The following SH3RF1 variants were observed in gnomAD, a reference collection of about 807,000 sequenced individuals.
SH3RF1 encodes the protein SH3 domain containing ring finger 1.
SH3RF1 carries 32 observed loss-of-function variants against 74.0 expected under a neutral mutation model. The ratio of observed to expected loss-of-function variants is 0.43; its 90% CI spans 0.33 to 0.58. The LOEUF is 0.58. Ranked by LOEUF, SH3RF1 falls within the 20% of genes least tolerant of loss-of-function variation. The pLI, the probability that SH3RF1 is intolerant of heterozygous loss-of-function variation, is 0.05. For missense variants in SH3RF1, 954 were observed against 1,130.9 expected (o/e 0.84, Z 2.24); for synonymous variants, 396 against 439.6 (o/e 0.90, Z 1.24).
chr4:169,124,330 T>C (rs1028857581), intron 6 of SH3RF1, among the ~76,000 whole-genome samples: 11 of 152,222 alleles, frequency 7.2e-5, no homozygotes, highest in African/African-American at 2.2e-4. Context: ...AAATCATCTA[T>C]GCACCTGATA....
intron 6 of SH3RF1, among the ~76,000 whole-genome samples, chr4:169,125,234 C>A (rs539088715): frequency 6.6e-6 from 1 of 152,258 alleles, no homozygotes; most frequent in South Asian, 2.1e-4. Context: ...CCTGGCTCAG[C>A]CTCTTGGGGC....
chr4:169,152,871 GAA>G (rs1479165942), intron 4 of SH3RF1, among the ~76,000 whole-genome samples: 1 of 152,176 alleles, frequency 6.6e-6, no homozygotes, highest in East Asian at 1.9e-4. Context: ...TTGAGGACAG[GAA>G]GAGAGGGCAA....
rs749987085 is a variant in SH3RF1, at chr4:169,107,190, A to C, written c.2155T>G (p.Leu719Val). ...DKDSKKEKKG[L>V]LKLLSGASTK... is the part of the protein sequence containing the mutation. ...GAGGCGCCAGAAAGCAACTTCAACA[A>C]ACCCTTTTTTTCTTTCTGGAAAAAA... Residue 719 changes from leucine to valine, a missense_variant, in exon 11 of 12, where the codon TTG (leucine) becomes GTG (valine). By Grantham distance (32) the Leu-to-Val change is conservative. This residue lies in a region of SH3RF1 where 854 missense variants were observed against 962.5 expected (regional missense o/e 0.89). Transcript: ENST00000284637. The C allele has an allele frequency of 1.9e-6, 3 of 1,548,480 alleles. No homozygotes were observed. In the South Asian group the frequency reaches 3.6e-5, roughly 19 times the overall value.
At chr4:169,116,080 G>A (rs904282341) in intron 10 of SH3RF1, among the ~76,000 whole-genome samples, 189 bp downstream of exon 10, 13 of 152,122 alleles carry the variant, frequency 8.5e-5, no homozygotes, top group Admixed American at 6.5e-4. Context: ...TAGATAAGAG[G>A]ATGGGGTGGT....
chr4:169,118,352 T>A (rs1002093943), intron 8 of SH3RF1, among the ~76,000 whole-genome samples: 2 of 152,214 alleles, frequency 1.3e-5, no homozygotes, highest in Admixed American at 6.5e-5. Context: ...AGGTTTAAGA[T>A]CTTATGATTC....
At chr4:169,249,100 C>T (rs1440451571) in intron 2 of SH3RF1, among the ~76,000 whole-genome samples, 5 of 152,038 alleles carry the variant, frequency 3.3e-5, no homozygotes, top group Admixed American at 6.6e-5. Context: ...TGGTGGTGGG[C>T]GCCTGTAGTC....
At chr4:169,188,589 T>A (rs1392619564) in intron 2 of SH3RF1, among the ~76,000 whole-genome samples, 3 of 152,232 alleles carry the variant, frequency 2.0e-5, no homozygotes, top group Non-Finnish European at 4.4e-5. Flanking sequence ...TAAAAGCTAA[T>A]GAAAATGTAC....
At chr4:169,176,896 A>C (rs1244488064) in intron 2 of SH3RF1, among the ~76,000 whole-genome samples, 1 of 152,082 alleles carries the variant, frequency 6.6e-6, no homozygotes, top group Non-Finnish European at 1.5e-5. Flanking sequence ...GCTAGGATTA[A>C]AGGTGCATGT....
At chr4:169,233,868 C>T (rs1302798782) in intron 2 of SH3RF1, among the ~76,000 whole-genome samples, 4 of 152,074 alleles carry the variant, frequency 2.6e-5, no homozygotes, top group African/African-American at 9.7e-5. Flanking sequence ...GTCTTCCTTC[C>T]CCCACGATTT....
intron 2 of SH3RF1, among the ~76,000 whole-genome samples, chr4:169,158,809 A>G (rs1561040030): frequency 6.6e-6 from 1 of 152,242 alleles, no homozygotes; most frequent in Non-Finnish European, 1.5e-5. Flanking sequence ...CACAATTTTC[A>G]AAAATTAGTT....
In SH3RF1 at chr4:169,097,391, C is replaced by T. The variant is rs182527511; in HGVS notation, c.2499-704G>A. On this transcript the variant is annotated intron_variant, in intron 11 of 11. Transcript: ENST00000284637. ...AGTAACGAGGTTGACATTCTCATCT[C>T]TATTATTCTGACATTTGGGTCTGTT... Among the ~76,000 whole-genome samples the T allele has an allele frequency of 4.3e-3, 654 of 152,254 alleles. 3 individuals are homozygous for T. The highest frequency in any genetic ancestry group is 6.4e-3 in the Non-Finnish European group (435 of 68,022).
At chr4:169,194,275 G>C (rs759357602) in intron 2 of SH3RF1, among the ~76,000 whole-genome samples, 1 of 152,126 alleles carries the variant, frequency 6.6e-6, no homozygotes, top group East Asian at 1.9e-4. Context: ...GTCACAAAGG[G>C]AAACACTCAT....
At chr4:169,109,394 T>C (rs546547057) in intron 10 of SH3RF1, among the ~76,000 whole-genome samples, 1 of 152,328 alleles carries the variant, frequency 6.6e-6, no homozygotes, top group South Asian at 2.1e-4. Context: ...ATTAAACACA[T>C]TAAATACAGC....
chr4:169,241,155 A>G (rs192309154), intron 2 of SH3RF1, among the ~76,000 whole-genome samples: 15 of 152,152 alleles, frequency 9.9e-5, no homozygotes, highest in South Asian at 2.1e-4. Context: ...GCGTGAACCC[A>G]GGAGGCGGAG....
At chr4:169,202,131 C>T (rs1734919342) in intron 2 of SH3RF1, among the ~76,000 whole-genome samples, 1 of 152,016 alleles carries the variant, frequency 6.6e-6, no homozygotes. Flanking sequence ...TATCTCTGAC[C>T]TCAGGATATA....
At chr4:169,167,513 T>C (rs1435262534) in intron 2 of SH3RF1, among the ~76,000 whole-genome samples, 1 of 152,172 alleles carries the variant, frequency 6.6e-6, no homozygotes, top group Non-Finnish European at 1.5e-5. Flanking sequence ...CAGCACTATT[T>C]ATAATACCAA....
At chr4:169,146,314 C>T (rs958199405) in intron 4 of SH3RF1, among the ~76,000 whole-genome samples, 2 of 150,296 alleles carry the variant, frequency 1.3e-5, no homozygotes, top group African/African-American at 2.4e-5. Flanking sequence ...GCTGCAACCT[C>T]TGCCTCCTGG....
chr4:169,249,595 G>T (rs1731063913), intron 2 of SH3RF1, among the ~76,000 whole-genome samples: 1 of 152,208 alleles, frequency 6.6e-6, no homozygotes. Context: ...GTGGAAAGCA[G>T]ATTATGTACC....
At chr4:169,212,756 G>A (rs994307111) in intron 2 of SH3RF1, among the ~76,000 whole-genome samples, 2 of 152,112 alleles carry the variant, frequency 1.3e-5, no homozygotes, top group Non-Finnish European at 2.9e-5. Context: ...GGTGTTCTAT[G>A]CCATGGTTTT....
Sources: allele counts gnomAD v4.1 joint callset (sites outside exome capture counted in the v4.1 genomes callset), GRCh38; gene constraint gnomAD v4.1.1; regional missense constraint gnomAD v4.1.1; transcripts MANE v1.5; gene names NCBI Gene and HGNC (gene_info 2026-07-23, HGNC 2026-07-21).